The following VWA5B1 variants were observed in gnomAD, a reference collection of about 807,000 sequenced individuals.
VWA5B1 encodes the protein von Willebrand factor A domain-containing protein 5B1.
Under a neutral mutation model 118.2 loss-of-function variants are expected in VWA5B1, and 115 were observed. The ratio of observed to expected loss-of-function variants is 0.97; its 90% CI spans 0.84 to 1.14. The LOEUF (loss-of-function observed/expected upper bound fraction) is 1.14, where lower values mean the gene tolerates loss of function less well. VWA5B1 is among the 50% of genes most tolerant of loss of function. VWA5B1 has a pLI of 0.00. For missense variants in VWA5B1, 1,596 were observed against 1,603.8 expected, an observed-to-expected ratio of 1.00 and a Z score of 0.08; for synonymous variants, 682 against 658.4, an observed-to-expected ratio of 1.04 and a Z score of -0.55.
At chr1:20,309,104 G>A (rs978271729) in intron 1 of VWA5B1, among the ~76,000 whole-genome samples, 2 of 152,170 alleles carry the variant, frequency 1.3e-5, no homozygotes, top group Non-Finnish European at 2.9e-5. Context: ...GTGGTCCTGA[G>A]AAGTGCTATG....
intron 5 of VWA5B1, 60 bp downstream of exon 5, chr1:20,317,735 A>T: frequency 4.5e-5 from 40 of 885,364 alleles, no homozygotes; most frequent in Non-Finnish European, 6.9e-5. Flanking sequence ...AAAGGCTGCC[A>T]GGGATGGGAC....
chr1:20,332,620 A>T, intron 11 of VWA5B1, 146 bp from the exon 12 acceptor site: 1 of 624,888 alleles, frequency 1.6e-6, no homozygotes, highest in South Asian at 3.7e-5. Flanking sequence ...GAAGCTCAGA[A>T]GTGTGCTCAG....
At chr1:20,340,913 A>G (rs1443877135) in intron 14 of VWA5B1, among the ~76,000 whole-genome samples, 1 of 152,168 alleles carries the variant, frequency 6.6e-6, no homozygotes, top group African/African-American at 2.4e-5. Flanking sequence ...TTACTTTTCA[A>G]ATGTCTTTTT....
At chr1:20,299,065 A>G (rs553691099) in intron 1 of VWA5B1, among the ~76,000 whole-genome samples, 26 of 152,322 alleles carry the variant, frequency 1.7e-4, no homozygotes, top group African/African-American at 5.8e-4. Flanking sequence ...TTGCACTTAC[A>G]GGGTTATGAG....
rs1456685608 is a variant in VWA5B1, at chr1:20,330,138, T to C, written c.1255-42T>C. On this transcript the variant is annotated intron_variant, in intron 9 of 21. Coordinates refer to ENST00000289815, the MANE Select transcript of VWA5B1 (RefSeq NM_001039500.3). Reference sequence around the variant, plus strand: ...TCTTCCTTAGGTGGTCTAGAGTCTCTGTACCATACGGTGACACTGGGGACT... The same window carrying C: ...TCTTCCTTAGGTGGTCTAGAGTCTCCGTACCATACGGTGACACTGGGGACT... 5.8e-6 allele frequency: 9 copies of C among 1,549,956 alleles called. No homozygotes were observed. In the East Asian group the frequency reaches 1.5e-4, roughly 25 times the overall value.
At chr1:20,310,255 G>A (rs181912270) in intron 1 of VWA5B1, among the ~76,000 whole-genome samples, 1 of 152,278 alleles carries the variant, frequency 6.6e-6, no homozygotes, top group African/African-American at 2.4e-5. Flanking sequence ...GTCTGTTGGG[G>A]AGAATTCCAG....
At position 20,355,198 on chromosome 1, in the gene VWA5B1, G is replaced by T. The variant is rs1365337279; in HGVS notation, c.*935G>T. On this transcript the variant is annotated 3_prime_UTR_variant, in exon 22 of 22. Transcript: ENST00000289815. ...GTAGGTCGCACCATGGGATCAGGGG[G>T]TCCTCTGGAGCCATGCCACGCTGTG... Among the ~76,000 whole-genome samples the T allele has an allele frequency of 6.6e-6, 1 of 152,222 alleles. No homozygotes were observed.
Position 20,290,886 on chromosome 1 carries a change from T to C in VWA5B1, c.-229T>C, listed in dbSNP as rs2088283898. On this transcript the variant is annotated 5_prime_UTR_variant, in exon 1 of 22. The change abolishes an upstream ATG in the 5' untranslated region. Transcript: ENST00000289815. ...CATGGTTACGCTCTGACAAAACAAA[T>C]GGCTCGGCCTCCTGCAGGCCACCTA... 6.6e-6 allele frequency: 1 copy of C among 152,360 alleles called. No individual in the cohort carries two copies. Among genetic ancestry groups the C allele is most frequent in the South Asian group, 2.1e-4 (1 of 4,828 alleles). 9.4% of individuals were successfully genotyped at this position (152,360 alleles called of 1,614,324 possible).
intron 1 of VWA5B1, among the ~76,000 whole-genome samples, chr1:20,292,686 G>A (rs2088335011): frequency 6.6e-6 from 1 of 152,186 alleles, no homozygotes; most frequent in Non-Finnish European, 1.5e-5. Flanking sequence ...ATTGTGAGTT[G>A]AACTTGACCC....
At chr1:20,291,383 CTCTT>C (rs1364792321) in intron 1 of VWA5B1, among the ~76,000 whole-genome samples, 84 of 149,070 alleles carry the variant, frequency 5.6e-4, no homozygotes, top group Admixed American at 4.7e-4. Context: ...CTCTCTCTCT[CTCTT>C]TCTGTCTCCT....
At chr1:20,305,186 G>A (rs915839060) in intron 1 of VWA5B1, among the ~76,000 whole-genome samples, 2 of 152,200 alleles carry the variant, frequency 1.3e-5, no homozygotes, top group African/African-American at 4.8e-5. Flanking sequence ...GCTGGAAAGT[G>A]TTGGGAGGTT....
intron 3 of VWA5B1, among the ~76,000 whole-genome samples, 168 bp downstream of exon 3, chr1:20,313,156 T>C (rs1359250878): frequency 1.3e-5 from 2 of 152,212 alleles, no homozygotes; most frequent in Non-Finnish European, 2.9e-5. Flanking sequence ...GGGCCAATAA[T>C]GAACTTCTCT....
intron 13 of VWA5B1, among the ~76,000 whole-genome samples, chr1:20,336,884 G>A (rs2089733175): frequency 6.6e-6 from 1 of 152,188 alleles, no homozygotes; most frequent in South Asian, 2.1e-4. Flanking sequence ...AGAAAGCAGA[G>A]TGACAGGGTG....
chr1:20,291,339 C>CTCTT lies in VWA5B1; in HGVS notation c.-27+271_-27+274dup, dbSNP rs767987500. On this transcript the variant is annotated intron_variant, in intron 1 of 21. Coordinates refer to ENST00000289815, the MANE Select transcript of VWA5B1 (RefSeq NM_001039500.3). The stretch of plus-strand genomic sequence containing the variant: ...GCTACTCAGGTCCAGCTCTCTCTCT[C>CTCTT]TCTTTCTTTCTTTCTTTCTTTCTCT... Among the ~76,000 whole-genome samples, 198 of 135,118 alleles carry CTCTT rather than the reference C, an allele frequency of 1.5e-3. 1 individual carries two copies. In the South Asian group the frequency reaches 0.017, roughly 11 times the overall value. The allele number at this position is 135,118 out of a possible 152,430, so 88.6% of individuals were successfully genotyped here.
At chr1:20,316,729 G>A (rs936008618) in intron 4 of VWA5B1, among the ~76,000 whole-genome samples, 2 of 152,138 alleles carry the variant, frequency 1.3e-5, no homozygotes, top group Admixed American at 1.3e-4. Flanking sequence ...GCAAAGTATT[G>A]TCCCCATTTA....
chr1:20,330,738 C>T, intron 10 of VWA5B1, 131 bp from the exon 11 acceptor site: 1 of 920,580 alleles, frequency 1.1e-6, no homozygotes, highest in Non-Finnish European at 1.7e-6. Flanking sequence ...TCTTCCTTCT[C>T]CCTCTCCCTC....
At chr1:20,314,057 T>G (rs907771162) in intron 3 of VWA5B1, among the ~76,000 whole-genome samples, 1 of 152,154 alleles carries the variant, frequency 6.6e-6, no homozygotes, top group Non-Finnish European at 1.5e-5. Context: ...GTTTGGAGGA[T>G]GAAGATGTAA....
chr1:20,296,713 A>G (rs2088413026), intron 1 of VWA5B1, among the ~76,000 whole-genome samples: 1 of 152,192 alleles, frequency 6.6e-6, no homozygotes, highest in Non-Finnish European at 1.5e-5. Context: ...ATAAGATTCT[A>G]TTTTCATATT....
intron 12 of VWA5B1, among the ~76,000 whole-genome samples, chr1:20,336,051 C>T (rs968953108): frequency 1.3e-5 from 2 of 152,144 alleles, no homozygotes; most frequent in African/African-American, 2.4e-5. Context: ...TTTAGACTTA[C>T]ATTTAAAAAA....
Sources: allele counts gnomAD v4.1 joint callset (sites outside exome capture counted in the v4.1 genomes callset), GRCh38; gene constraint gnomAD v4.1.1; transcripts MANE v1.5; gene names NCBI Gene and HGNC (gene_info 2026-07-23, HGNC 2026-07-21).